The following AFF3 variants were observed in gnomAD, a reference collection of about 807,000 sequenced individuals.
The protein encoded by AFF3 is AF4/FMR2 family member 3.
Under a neutral mutation model 129.7 loss-of-function variants are expected in AFF3, and 32 were observed. That is an observed-to-expected ratio of 0.25 (90% CI 0.19 to 0.33). The LOEUF is 0.33. AFF3 is among the 10% of genes least tolerant of loss of function. The pLI, the probability that AFF3 is intolerant of heterozygous loss-of-function variation, is 1.00. For synonymous variants in AFF3, 644 were observed against 635.4 expected, an observed-to-expected ratio of 1.01 and a Z score of -0.20; for missense variants, 1,373 against 1,592.0, an observed-to-expected ratio of 0.86 and a Z score of 2.34.
At chr2:99,834,289 G>A (rs546297009) in intron 8 of AFF3, among the ~76,000 whole-genome samples, 6 of 152,200 alleles carry the variant, frequency 3.9e-5, no homozygotes, top group Non-Finnish European at 7.3e-5. Flanking sequence ...CCTTGGGCAA[G>A]TTGTGTTTAA....
At chr2:99,811,774 C>T (rs955902572) in intron 8 of AFF3, among the ~76,000 whole-genome samples, 7 of 152,228 alleles carry the variant, frequency 4.6e-5, no homozygotes, top group South Asian at 2.1e-4. Flanking sequence ...CGCAGAACAA[C>T]GTGGCAATGT....
chr2:99,928,921 A>G (rs1696476875), intron 7 of AFF3, among the ~76,000 whole-genome samples: 1 of 152,200 alleles, frequency 6.6e-6, no homozygotes, highest in South Asian at 2.1e-4. Context: ...CACAAACACT[A>G]CACAGCAGTG....
At chr2:99,572,747 A>G in intron 18 of AFF3, 1 of 423,948 alleles carries the variant, frequency 2.4e-6, no homozygotes, top group Non-Finnish European at 4.7e-6. Flanking sequence ...GAAATTAAGT[A>G]ATTATTTTTA....
At chr2:99,898,838 G>T (rs1694164013) in intron 7 of AFF3, among the ~76,000 whole-genome samples, 1 of 152,158 alleles carries the variant, frequency 6.6e-6, no homozygotes, top group African/African-American at 2.4e-5. Context: ...AGGCTCCACT[G>T]CCTGGGGCTC....
intron 13 of AFF3, among the ~76,000 whole-genome samples, chr2:99,614,023 G>T (rs1402103069): frequency 6.6e-6 from 1 of 152,210 alleles, no homozygotes; most frequent in East Asian, 1.9e-4. Context: ...TCAGTGGTCA[G>T]CAGCTTCAGC....
chr2:99,676,822 G>A (rs751511166), intron 11 of AFF3, among the ~76,000 whole-genome samples: 1 of 152,116 alleles, frequency 6.6e-6, no homozygotes, highest in Non-Finnish European at 1.5e-5. Flanking sequence ...GCTTTATGTC[G>A]ACAGGACAGT....
chr2:99,808,445 C>T (rs1686524172), intron 8 of AFF3, among the ~76,000 whole-genome samples: 1 of 152,070 alleles, frequency 6.6e-6, no homozygotes, highest in Admixed American at 6.5e-5. Context: ...TACCAGATGC[C>T]CAGGTACCAG....
intron 10 of AFF3, among the ~76,000 whole-genome samples, chr2:99,740,575 A>AT (rs1680640847): frequency 6.7e-6 from 1 of 149,976 alleles, no homozygotes; most frequent in South Asian, 2.2e-4. Flanking sequence ...GATGGTGAGC[A>AT]TTTTTTCATG....
chr2:99,774,204 T>C (rs879526965), intron 8 of AFF3, among the ~76,000 whole-genome samples: 2 of 152,162 alleles, frequency 1.3e-5, no homozygotes, highest in Non-Finnish European at 2.9e-5. Context: ...TAAACTACCA[T>C]TGACATTCTT....
intron 13 of AFF3, among the ~76,000 whole-genome samples, chr2:99,622,048 G>A (rs1682074097): frequency 1.3e-5 from 2 of 152,208 alleles, no homozygotes; most frequent in African/African-American, 4.8e-5. Context: ...CCTATAGGGT[G>A]TGAAGCTGAA....
chr2:99,808,777 G>C (rs1303994692), intron 8 of AFF3, among the ~76,000 whole-genome samples: 1 of 152,180 alleles, frequency 6.6e-6, no homozygotes, highest in Admixed American at 6.5e-5. Flanking sequence ...TTCACATAGA[G>C]AAGCAGCCCC....
intron 7 of AFF3, among the ~76,000 whole-genome samples, chr2:99,892,730 C>T (rs1280926282): frequency 6.6e-6 from 1 of 152,224 alleles, no homozygotes; most frequent in Non-Finnish European, 1.5e-5. Context: ...GAGAATGGCT[C>T]AGGGGCTCTG....
At chr2:99,578,481 A>G (rs201587009) in intron 17 of AFF3, 30 bp from the exon 18 acceptor site, 1 of 1,605,646 alleles carries the variant, frequency 6.2e-7, no homozygotes, top group Non-Finnish European at 8.5e-7. Context: ...CATCTTTGAG[A>G]AATTGGCCAC....
intron 2 of AFF3, among the ~76,000 whole-genome samples, chr2:100,109,671 A>T (rs1164995061): frequency 3.3e-5 from 5 of 152,204 alleles, no homozygotes; most frequent in Non-Finnish European, 7.3e-5. Flanking sequence ...AACTAATCGT[A>T]TCATTAGCAA....
At position 100,051,893 on chromosome 2, in the gene AFF3, T is replaced by G. The variant is rs112007249; in HGVS notation, c.54-42961A>C. On this transcript the variant is annotated intron_variant, in intron 4 of 24. Coordinates refer to ENST00000672756, the MANE Select transcript of AFF3 (RefSeq NM_001386135.1). The stretch of plus-strand genomic sequence containing the variant: ...GAGATTTGATCAATTAAAGCCAAGA[T>G]CAGTTACATTATTTGGTTTACCTAA... Among the ~76,000 whole-genome samples, 324 of 152,318 alleles carry G rather than the reference T, an allele frequency of 2.1e-3. 1 individual carries two copies. The highest frequency in any genetic ancestry group is 0.01 in the South Asian group (50 of 4,816).
intron 13 of AFF3, among the ~76,000 whole-genome samples, chr2:99,604,394 T>G (rs1680132919): frequency 6.6e-6 from 1 of 152,160 alleles, no homozygotes; most frequent in Non-Finnish European, 1.5e-5. Context: ...ATGCCACGTG[T>G]TCTCACTTAT....
At chr2:99,619,616 G>A (rs1681791916) in intron 13 of AFF3, among the ~76,000 whole-genome samples, 1 of 152,184 alleles carries the variant, frequency 6.6e-6, no homozygotes, top group African/African-American at 2.4e-5. Flanking sequence ...AGCCCCTAAG[G>A]AGGGGCGTGC....
At chr2:99,649,764 AT>A in intron 12 of AFF3, 98 bp from the exon 13 acceptor site, 1 of 1,417,076 alleles carries the variant, frequency 7.1e-7, no homozygotes, top group African/African-American at 1.4e-5. Flanking sequence ...CATTACACAC[AT>A]TTTTGCCATG....
At chr2:100,122,508 A>G (rs114048930) in intron 2 of AFF3, among the ~76,000 whole-genome samples, 174 of 152,360 alleles carry the variant, frequency 1.1e-3, no homozygotes, top group Non-Finnish European at 2.0e-3. Context: ...GCAAATTAAG[A>G]GATGGTCGCA....
Sources: allele counts gnomAD v4.1 joint callset (sites outside exome capture counted in the v4.1 genomes callset), GRCh38; gene constraint gnomAD v4.1.1; transcripts MANE v1.5; gene names NCBI Gene and HGNC (gene_info 2026-07-23, HGNC 2026-07-21).